The following TANC2 variants were observed in gnomAD, a reference collection of about 807,000 sequenced individuals.
TANC2 encodes the protein tetratricopeptide repeat, ankyrin repeat and coiled-coil containing 2, also known as protein TANC2.
Under a neutral mutation model 210.5 loss-of-function variants are expected in TANC2, and 26 were observed. That is an observed-to-expected ratio of 0.12 (90% CI 0.09 to 0.17). The LOEUF is 0.17. Ranked by LOEUF, TANC2 falls within the 10% of genes least tolerant of loss-of-function variation. The probability of loss-of-function intolerance (pLI) is 1.00; values close to 1 mark genes in which losing one functional copy is unlikely to be tolerated. For missense variants in TANC2, 2,129 were observed against 2,608.9 expected (o/e 0.82, Z 4.01); for synonymous variants, 931 against 967.1 (o/e 0.96, Z 0.69).
chr17:63,190,099 G>T (rs1421282035), intron 5 of TANC2, among the ~76,000 whole-genome samples: 2 of 152,112 alleles, frequency 1.3e-5, no homozygotes, highest in Non-Finnish European at 2.9e-5. Flanking sequence ...CTTTGGGAGG[G>T]TGAAGTGGGA....
intron 6 of TANC2, chr17:63,197,506 A>G (rs949496989): frequency 7.2e-5 from 11 of 152,232 alleles, no homozygotes; most frequent in African/African-American, 2.2e-4. Context: ...ATAAACTGCT[A>G]TGCTTAGGCA....
intron 5 of TANC2, among the ~76,000 whole-genome samples, chr17:63,181,796 G>T (rs897024752): frequency 5.3e-5 from 8 of 152,188 alleles, no homozygotes; most frequent in African/African-American, 1.9e-4. Flanking sequence ...GGTTGTTGCT[G>T]TTTCCCTTGC....
chr17:63,019,129 T>G (rs1332140869), intron 2 of TANC2, among the ~76,000 whole-genome samples: 1 of 152,194 alleles, frequency 6.6e-6, no homozygotes, highest in Non-Finnish European at 1.5e-5. Flanking sequence ...AACTCTTCCA[T>G]TTTACATTCC....
rs2047547922 is a variant in TANC2, at chr17:63,379,844, A to G, written c.2691+18A>G. On this transcript the variant is annotated intron_variant, in intron 15 of 27. Transcript: ENST00000689528. Reference sequence around the variant, plus strand: ...TTTTTAAGGTAATTAAAGCAGTTGGAACCATTTTTCCGCCATCTCTAGCAG... The same window carrying G: ...TTTTTAAGGTAATTAAAGCAGTTGGGACCATTTTTCCGCCATCTCTAGCAG... 1.3e-6 allele frequency: 2 copies of G among 1,599,508 alleles called. No individual in the cohort carries two copies. Among genetic ancestry groups the G allele is most frequent in the African/African-American group, 2.7e-5 (2 of 74,402 alleles).
At chr17:63,209,637 G>A (rs1385889323) in intron 7 of TANC2, among the ~76,000 whole-genome samples, 2 of 151,766 alleles carry the variant, frequency 1.3e-5, no homozygotes, top group Non-Finnish European at 2.9e-5. Context: ...GTTTCCCTAT[G>A]TTGGCCAGGC....
chr17:63,213,150 G>C (rs1429569325), intron 7 of TANC2, among the ~76,000 whole-genome samples: 4 of 152,172 alleles, frequency 2.6e-5, no homozygotes, highest in African/African-American at 9.7e-5. Context: ...CAAGTGTAAT[G>C]TTTCAGTGTT....
chr17:63,051,786 G>A (rs1303725116), intron 2 of TANC2, among the ~76,000 whole-genome samples: 1 of 152,132 alleles, frequency 6.6e-6, no homozygotes, highest in Non-Finnish European at 1.5e-5. Context: ...AGAAGATAGT[G>A]TTATAGTTTT....
At chr17:62,988,871 C>A (rs1259700980) in intron 1 of TANC2, among the ~76,000 whole-genome samples, 1 of 152,096 alleles carries the variant, frequency 6.6e-6, no homozygotes, top group Non-Finnish European at 1.5e-5. Context: ...GCATTAGACA[C>A]CAAAAGAAGC....
intron 20 of TANC2, 40 bp downstream of exon 20, chr17:63,405,295 G>A: frequency 6.6e-7 from 1 of 1,505,948 alleles, no homozygotes; most frequent in Middle Eastern, 2.2e-4. Flanking sequence ...AGGCAGGACT[G>A]AGTTCTAGGT....
At chr17:63,223,203 G>A (rs1290458777) in intron 7 of TANC2, among the ~76,000 whole-genome samples, 2 of 152,130 alleles carry the variant, frequency 1.3e-5, no homozygotes, top group African/African-American at 4.8e-5. Flanking sequence ...CACAACATTG[G>A]GAATGTACTA....
intron 9 of TANC2, among the ~76,000 whole-genome samples, chr17:63,314,008 T>C (rs1375778712): frequency 6.6e-6 from 1 of 152,184 alleles, no homozygotes; most frequent in African/African-American, 2.4e-5. Context: ...AATCCAACAA[T>C]TAAAAGGTTA....
At chr17:62,972,006 G>T (rs2031724904) in intron 1 of TANC2, among the ~76,000 whole-genome samples, 1 of 152,166 alleles carries the variant, frequency 6.6e-6, no homozygotes, top group African/African-American at 2.4e-5. Context: ...TAAGATTCAA[G>T]GTAATATTAG....
At chr17:63,125,597 T>C (rs1373731748) in intron 4 of TANC2, among the ~76,000 whole-genome samples, 1 of 151,198 alleles carries the variant, frequency 6.6e-6, no homozygotes, top group Non-Finnish European at 1.5e-5. Flanking sequence ...AACAGTAATA[T>C]TGTAACCATT....
At chr17:63,114,854 T>A (rs1159101503) in intron 4 of TANC2, among the ~76,000 whole-genome samples, 1 of 152,180 alleles carries the variant, frequency 6.6e-6, no homozygotes, top group Non-Finnish European at 1.5e-5. Flanking sequence ...CTTAAATCTC[T>A]CTCCACCCTT....
At chr17:63,167,968 C>T (rs1598512270) in intron 5 of TANC2, among the ~76,000 whole-genome samples, 1 of 151,858 alleles carries the variant, frequency 6.6e-6, no homozygotes, top group Non-Finnish European at 1.5e-5. Context: ...TTGCTAGCTC[C>T]CATTCTATAC....
At chr17:63,094,751 C>T (rs2037325311) in intron 3 of TANC2, among the ~76,000 whole-genome samples, 1 of 152,130 alleles carries the variant, frequency 6.6e-6, no homozygotes, top group Admixed American at 6.6e-5. Flanking sequence ...GGTGTCCATA[C>T]ACTTTAGATT....
At chr17:63,288,588 GT>G (rs2044293357) in intron 9 of TANC2, among the ~76,000 whole-genome samples, 1 of 152,122 alleles carries the variant, frequency 6.6e-6, no homozygotes, top group Non-Finnish European at 1.5e-5. Flanking sequence ...TTTTCTGCCT[GT>G]TGGATCTGTC....
chr17:62,999,529 G>A (rs78424902), intron 1 of TANC2, among the ~76,000 whole-genome samples: 4,415 of 135,764 alleles, frequency 0.033, 76 homozygotes, highest in African/African-American at 0.045. Flanking sequence ...ACCCAACACA[G>A]GGGCACCCAA....
chr17:63,240,471 G>A (rs2042744591), intron 8 of TANC2, among the ~76,000 whole-genome samples: 1 of 152,064 alleles, frequency 6.6e-6, no homozygotes, highest in Non-Finnish European at 1.5e-5. Flanking sequence ...TGTTAATCAA[G>A]GACCTTCTCA....
Sources: gnomAD v4.1 joint callset for allele counts (sites outside exome capture counted in the v4.1 genomes callset) on GRCh38, gnomAD v4.1.1 for gene constraint, MANE v1.5 for transcripts, NCBI Gene and HGNC (gene_info 2026-07-23, HGNC 2026-07-21) for gene names.